The following PTPN21 variants were observed in gnomAD, a reference collection of about 807,000 sequenced individuals.
PTPN21 encodes the protein protein tyrosine phosphatase non-receptor type 21, also known as tyrosine-protein phosphatase non-receptor type 21.
PTPN21 carries 77 observed loss-of-function variants against 131.8 expected under a neutral mutation model. The ratio of observed to expected loss-of-function variants is 0.58; its 90% confidence interval spans 0.49 to 0.71. The LOEUF is 0.71. Ranked by LOEUF, PTPN21 falls within the 30% of genes least tolerant of loss-of-function variation. PTPN21 has a pLI of 0.00. For missense variants in PTPN21, 1,552 were observed against 1,527.1 expected (o/e 1.02, Z -0.27); for synonymous variants, 715 against 621.3 (o/e 1.15, Z -2.24).
chr14:88,477,250 T>G (rs2077559412), intron 13 of PTPN21, among the ~76,000 whole-genome samples: 1 of 151,284 alleles, frequency 6.6e-6, no homozygotes, highest in African/African-American at 2.5e-5. Flanking sequence ...CAACTTAAAA[T>G]TCAAACCCAA....
intron 13 of PTPN21, 134 bp downstream of exon 13, chr14:88,478,782 CAAAA>C: frequency 2.0e-6 from 1 of 487,830 alleles, no homozygotes; most frequent in Non-Finnish European, 3.3e-6. Flanking sequence ...CAGAATTAGA[CAAAA>C]AGAGAGTGAC....
chr14:88,533,517 T>C (rs2078582133), intron 2 of PTPN21, among the ~76,000 whole-genome samples: 1 of 152,258 alleles, frequency 6.6e-6, no homozygotes, highest in African/African-American at 2.4e-5. Flanking sequence ...CACTGGACGA[T>C]AATAAATGAC....
chr14:88,486,466 C>T (rs1479164275), intron 10 of PTPN21, among the ~76,000 whole-genome samples: 1 of 152,038 alleles, frequency 6.6e-6, no homozygotes, highest in African/African-American at 2.4e-5. Flanking sequence ...GCATCTTGGG[C>T]CCAGGAGTTC....
At chr14:88,470,428 G>A in intron 15 of PTPN21, 1 of 183,012 alleles carries the variant, frequency 5.5e-6, no homozygotes, top group Non-Finnish European at 1.1e-5. Flanking sequence ...TTGCAGACAT[G>A]GTGCCTCTTC....
Position 88,518,284 on chromosome 14 carries a change from ATACG to A in PTPN21, c.181-1027_181-1024del, listed in dbSNP as rs1366908376. On this transcript the variant is annotated intron_variant, in intron 2 of 18. Transcript: ENST00000556564. ...TATATATATATATATACACACACACATACGCACACACACACACATATATGTGTAT... is the reference window on the plus strand; with the variant it reads ...TATATATATATATATACACACACACACACACACACACACATATATGTGTAT... Among the ~76,000 whole-genome samples, 72 of 105,290 alleles carry A rather than the reference ATACG, an allele frequency of 6.8e-4. 2 individuals carry two copies. Among genetic ancestry groups the A allele is most frequent in the East Asian group, 3.2e-3 (12 of 3,698 alleles). 69.1% of individuals were successfully genotyped at this position (105,290 alleles called of 152,430 possible).
intron 10 of PTPN21, among the ~76,000 whole-genome samples, chr14:88,490,799 G>A (rs1166688345): frequency 6.6e-6 from 1 of 152,220 alleles, no homozygotes; most frequent in African/African-American, 2.4e-5. Flanking sequence ...TGAAATACAA[G>A]TTTCCCTTCT....
At chr14:88,483,775 T>C (rs773835297) in intron 12 of PTPN21, among the ~76,000 whole-genome samples, 4 of 152,178 alleles carry the variant, frequency 2.6e-5, no homozygotes, top group Non-Finnish European at 5.9e-5. Context: ...CTCCCCAATG[T>C]GATGAGTCTC....
chr14:88,492,024 T>C (rs2077832408), intron 10 of PTPN21, among the ~76,000 whole-genome samples: 1 of 137,284 alleles, frequency 7.3e-6, no homozygotes, highest in South Asian at 2.3e-4. Context: ...AGTTGTTAAT[T>C]TGCAAAAAAA....
At chr14:88,530,670 C>T (rs556654832) in intron 2 of PTPN21, among the ~76,000 whole-genome samples, 6 of 151,888 alleles carry the variant, frequency 4.0e-5, no homozygotes, top group African/African-American at 7.2e-5. Context: ...TTTAAAGCAA[C>T]GACACTTAAA....
rs372727439 is a variant in PTPN21, at chr14:88,535,570, T to C, written c.180+14668A>G. The stretch of plus-strand genomic sequence containing the variant: ...TGGTGAAGAACTTTGTAAGTTCTAA[T>C]CGTACTGATAATACTGAAAAGCACT... On this transcript the variant is annotated intron_variant, in intron 2 of 18. Transcript: ENST00000556564. Among the ~76,000 whole-genome samples, 29 of 152,344 alleles carry C rather than the reference T, an allele frequency of 1.9e-4. No individual in the cohort carries two copies. In the East Asian group the frequency reaches 2.7e-3, roughly 14 times the overall value.
At chr14:88,516,059 T>G (rs750259376) in intron 3 of PTPN21, among the ~76,000 whole-genome samples, 1 of 152,212 alleles carries the variant, frequency 6.6e-6, no homozygotes, top group Non-Finnish European at 1.5e-5. Flanking sequence ...TACCAGGTTC[T>G]TACTATCTGC....
At chr14:88,477,445 C>CCCAAAAAA (rs2077562560) in intron 13 of PTPN21, among the ~76,000 whole-genome samples, 1 of 10,558 alleles carries the variant, frequency 9.5e-5, no homozygotes, top group African/African-American at 2.7e-4. Flanking sequence ...CAAGACTGTT[C>CCCAAAAAA]TAAAAAAAAA....
In PTPN21 at chr14:88,479,539, T is replaced by TGCGCGTG; in HGVS notation, c.1885_1891dup (p.Gln631ProfsTer70). ...CTCGATGCTGTTCCGTTTGTGCAGC[T>TGCGCGTG]GCGCGTGGCGCGCGGCGGTGAGGGG... On this transcript the variant is annotated frameshift_variant, in exon 13 of 19. Transcript: ENST00000556564. LOFTEE classifies it high-confidence loss of function. 1 of 1,599,882 alleles carries TGCGCGTG rather than the reference T, an allele frequency of 6.3e-7. No homozygotes were observed. Among genetic ancestry groups the TGCGCGTG allele is most frequent in the Non-Finnish European group, 8.5e-7 (1 of 1,179,092 alleles).
chr14:88,485,215 G>C (rs1385262815), intron 11 of PTPN21, 55 bp from the exon 12 acceptor site: 1 of 1,109,860 alleles, frequency 9.0e-7, no homozygotes, highest in African/African-American at 1.6e-5. Flanking sequence ...TGTAATACAG[G>C]TAAAGTTATT....
chr14:88,471,715 T>C (rs2077471835), intron 15 of PTPN21, among the ~76,000 whole-genome samples: 1 of 152,114 alleles, frequency 6.6e-6, no homozygotes, highest in Non-Finnish European at 1.5e-5. Flanking sequence ...TTTTGTTACA[T>C]AAAAATGCAT....
intron 2 of PTPN21, among the ~76,000 whole-genome samples, chr14:88,549,668 A>G (rs1206567938): frequency 6.6e-6 from 1 of 151,372 alleles, no homozygotes; most frequent in African/African-American, 2.4e-5. Context: ...CTGTGATCTC[A>G]GCTCACTGCA....
rs1324565555 is a variant in PTPN21 at position 88,550,603 on chromosome 14, G to A, written c.-186C>T. 11 of 579,312 alleles carry A rather than the reference G, an allele frequency of 1.9e-5. No individual in the cohort carries two copies. Among genetic ancestry groups the A allele is most frequent in the South Asian group, 1.2e-4 (5 of 42,398 alleles). The allele number at this position is 579,312 out of a possible 1,614,324, so 35.9% of individuals were successfully genotyped here. ...GGAGTCTCCAATGGCCCGAGGAAGG[G>A]AGCATTGACGCCAGCGCTGGGGAAA... On this transcript the variant is annotated 5_prime_UTR_variant, in exon 2 of 19. Coordinates refer to ENST00000556564, the MANE Select transcript of PTPN21 (RefSeq NM_007039.4).
chr14:88,489,862 C>A (rs1051891190), intron 10 of PTPN21, among the ~76,000 whole-genome samples: 1 of 152,018 alleles, frequency 6.6e-6, no homozygotes, highest in Non-Finnish European at 1.5e-5. Flanking sequence ...TGTTCACCCC[C>A]CTACCAAACC....
chr14:88,533,670 C>T (rs1370789440), intron 2 of PTPN21, among the ~76,000 whole-genome samples: 1 of 151,990 alleles, frequency 6.6e-6, no homozygotes, highest in Non-Finnish European at 1.5e-5. Flanking sequence ...ATCACTTGAG[C>T]CAAGGAGTTC....
Sources: allele counts gnomAD v4.1 joint callset (sites outside exome capture counted in the v4.1 genomes callset), GRCh38; gene constraint gnomAD v4.1.1; transcripts MANE v1.5; gene names NCBI Gene and HGNC (gene_info 2026-07-23, HGNC 2026-07-21).